Variants in UNC13A observed in about 807,000 individuals in gnomAD.
UNC13A encodes protein unc-13 homolog A.
Under a neutral mutation model 219.7 loss-of-function variants are expected in UNC13A, and 61 were observed. The observed-to-expected ratio is 0.28, with a 90% CI of 0.23 to 0.34. The LOEUF is 0.34. UNC13A is among the 10% of genes least tolerant of loss of function. The probability of loss-of-function intolerance (pLI) is 1.00; values close to 1 mark genes in which losing one functional copy is unlikely to be tolerated. For synonymous variants in UNC13A, 920 were observed against 884.6 expected (o/e 1.04, Z -0.71); for missense variants, 1,476 against 2,270.3 (o/e 0.65, Z 7.11).
intron 19 of UNC13A, 42 bp downstream of exon 19, chr19:17,645,632 T>C: frequency 9.3e-6 from 15 of 1,610,684 alleles, no homozygotes; most frequent in Non-Finnish European, 1.3e-5. Flanking sequence ...GCTGGATCCC[T>C]GGGACCCGTC....
Position 17,632,835 on chromosome 19 carries a change from A to G in UNC13A, c.3375T>C (p.Asn1125=), listed in dbSNP as rs371756938. 289 of 1,613,888 alleles carry G rather than the reference A, an allele frequency of 1.8e-4. No individual in the cohort carries two copies. In the African/African-American group the frequency reaches 3.3e-3, roughly 19 times the overall value. ...NLHFKVKWLY[N]EYVTELPAFK... is the part of the protein sequence containing the mutation. ...AGGCGGGAAGTTCCGTCACATACTCATTGTAGAGCCATTTCACCTTGAAGT... is the reference window on the plus strand; with the variant it reads ...AGGCGGGAAGTTCCGTCACATACTCGTTGTAGAGCCATTTCACCTTGAAGT... Residue 1125 remains asparagine, a synonymous_variant, in exon 28 of 44, where the codon AAT becomes AAC. Coordinates refer to ENST00000519716, the MANE Select transcript of UNC13A (RefSeq NM_001080421.3).
chr19:17,657,728 G>T (rs373519409), intron 9 of UNC13A, among the ~76,000 whole-genome samples: 1 of 151,988 alleles, frequency 6.6e-6, no homozygotes, highest in South Asian at 2.1e-4. Flanking sequence ...AATTAGCTTG[G>T]TGTGGCGGCC....
At chr19:17,684,764 T>G (rs2080077978) in intron 1 of UNC13A, among the ~76,000 whole-genome samples, 1 of 152,202 alleles carries the variant, frequency 6.6e-6, no homozygotes, top group African/African-American at 2.4e-5. Context: ...TCTACATGGA[T>G]ATGAGTGTGC....
chr19:17,619,653 G>A (rs1224129271), intron 38 of UNC13A, among the ~76,000 whole-genome samples: 1 of 151,974 alleles, frequency 6.6e-6, no homozygotes. Context: ...GGCTGGTCTT[G>A]AATTCCTGGG....
intron 1 of UNC13A, among the ~76,000 whole-genome samples, chr19:17,684,582 C>T (rs2080075643): frequency 6.6e-6 from 1 of 152,222 alleles, no homozygotes; most frequent in South Asian, 2.1e-4. Flanking sequence ...AGCAGCGGGG[C>T]ACCACATGAA....
At position 17,620,620 on chromosome 19, in the gene UNC13A, T is replaced by C. The variant is rs1241589000; in HGVS notation, c.4272+73A>G. On this transcript the variant is annotated intron_variant, in intron 38 of 43. Transcript: ENST00000519716. ...CCTCGGACGGCACGAACCACAGAGG[T>C]GGAAGGGGGCACAGGGGTGGGGTGG... 2.3e-6 allele frequency: 3 copies of C among 1,292,120 alleles called. No individual in the cohort carries two copies. In the East Asian group the frequency reaches 1.2e-4, roughly 51 times the overall value. 80.0% of individuals were successfully genotyped at this position (1,292,120 alleles called of 1,614,324 possible).
At chr19:17,623,468 T>A (rs2076750468) in intron 36 of UNC13A, 74 bp downstream of exon 36, 1 of 1,239,348 alleles carries the variant, frequency 8.1e-7, no homozygotes. Flanking sequence ...GGGAGAGGGG[T>A]GCAGCGACGC....
intron 4 of UNC13A, among the ~76,000 whole-genome samples, chr19:17,671,153 G>A (rs2079780827): frequency 6.6e-6 from 1 of 152,054 alleles, no homozygotes; most frequent in South Asian, 2.1e-4. Flanking sequence ...GGAGGAAGGA[G>A]GGCTAAAGGA....
At chr19:17,615,593 C>T (rs1041745682) in intron 41 of UNC13A, among the ~76,000 whole-genome samples, 1 of 151,952 alleles carries the variant, frequency 6.6e-6, no homozygotes, top group Non-Finnish European at 1.5e-5. Context: ...GCACAAGAAT[C>T]GCTTGAAACC....
chr19:17,677,018 A>C (rs565491369), intron 1 of UNC13A, among the ~76,000 whole-genome samples: 2 of 152,240 alleles, frequency 1.3e-5, no homozygotes, highest in East Asian at 3.9e-4. Flanking sequence ...TTGTCTCAAC[A>C]ACAACCAAAA....
intron 4 of UNC13A, among the ~76,000 whole-genome samples, chr19:17,670,939 AAAATAAAATAAAATAAAAT>A: frequency 6.6e-6 from 1 of 150,512 alleles, no homozygotes; most frequent in African/African-American, 2.4e-5. Context: ...AAAATAAAAT[AAAATAAAATAAAATAAAAT>A]AAAATGACAA....
At chr19:17,654,052 C>T (rs1039437677) in intron 11 of UNC13A, among the ~76,000 whole-genome samples, 7 of 151,912 alleles carry the variant, frequency 4.6e-5, no homozygotes, top group Non-Finnish European at 1.0e-4. Flanking sequence ...TGGTCTCGAT[C>T]TCCTGACCTC....
chr19:17,655,126 C>A, intron 11 of UNC13A, 148 bp downstream of exon 11: 1 of 717,034 alleles, frequency 1.4e-6, no homozygotes, highest in Non-Finnish European at 2.5e-6. Flanking sequence ...GTGGGCACTG[C>A]ACTGGGCATG....
chr19:17,625,811 A>G (rs983471631), intron 34 of UNC13A, among the ~76,000 whole-genome samples: 1 of 150,222 alleles, frequency 6.7e-6, no homozygotes. Flanking sequence ...TCCAGCATCC[A>G]TCCATCTACC....
chr19:17,653,483 G>T (rs918605489), intron 11 of UNC13A, among the ~76,000 whole-genome samples: 2 of 151,876 alleles, frequency 1.3e-5, no homozygotes, highest in Non-Finnish European at 1.5e-5. Context: ...TAGTAGCTGG[G>T]ATTACAGGTG....
intron 7 of UNC13A, 130 bp downstream of exon 7, chr19:17,666,520 C>G (rs2145892830): frequency 1.6e-6 from 1 of 625,200 alleles, no homozygotes; most frequent in African/African-American, 1.9e-5. Flanking sequence ...TTCTAATACA[C>G]TGTAAGTGGA....
At chr19:17,688,058 A>C (rs1031855047) in intron 1 of UNC13A, 120 bp downstream of exon 1, 33 of 1,307,602 alleles carry the variant, frequency 2.5e-5, no homozygotes, top group Non-Finnish European at 2.7e-5. Flanking sequence ...ACCCCTCTCA[A>C]AAGTCCAGCC....
At chr19:17,611,080 A>G (rs2076598849) in intron 42 of UNC13A, among the ~76,000 whole-genome samples, 1 of 152,226 alleles carries the variant, frequency 6.6e-6, no homozygotes, top group Admixed American at 6.5e-5. Flanking sequence ...TGAAAATGCA[A>G]CAAAAGATGG....
chr19:17,637,564 C>T (rs141983638), intron 25 of UNC13A, among the ~76,000 whole-genome samples: 2,657 of 152,274 alleles, frequency 0.017, 95 homozygotes, highest in African/African-American at 0.061. Flanking sequence ...TCTCAAAGTG[C>T]TGGGATTACA....
Sources: gnomAD v4.1 joint callset for allele counts (sites outside exome capture counted in the v4.1 genomes callset) on GRCh38, gnomAD v4.1.1 for gene constraint, MANE v1.5 for transcripts, NCBI Gene and HGNC (gene_info 2026-07-23, HGNC 2026-07-21) for gene names.